Variants in NABP2 observed in about 807,000 individuals in gnomAD.
NABP2 encodes the protein SOSS complex subunit B1.
NABP2 carries 7 observed loss-of-function variants against 22.7 expected under a neutral mutation model. The ratio of observed to expected loss-of-function variants is 0.31; its 90% CI spans 0.18 to 0.58. The LOEUF (loss-of-function observed/expected upper bound fraction) is 0.58. NABP2 is among the 20% of genes least tolerant of loss of function. The pLI, the probability that NABP2 is intolerant of heterozygous loss-of-function variation, is 0.89. For synonymous variants in NABP2, 107 were observed against 99.2 expected (o/e 1.08, Z -0.47); for missense variants, 188 against 265.9 (o/e 0.71, Z 2.04).
intron 6 of NABP2, among the ~76,000 whole-genome samples, chr12:56,227,237 G>A (rs1007592439): frequency 1.3e-5 from 2 of 151,978 alleles, no homozygotes; most frequent in South Asian, 2.1e-4. Flanking sequence ...TTAGCCAGAT[G>A]TGGTGGCAGG....
intron 6 of NABP2, among the ~76,000 whole-genome samples, chr12:56,227,849 C>T (rs557907119): frequency 1.4e-3 from 216 of 152,158 alleles, no homozygotes; most frequent in Non-Finnish European, 2.4e-3. Context: ...TATTTATATA[C>T]ACAAAAATGT....
intron 6 of NABP2, among the ~76,000 whole-genome samples, chr12:56,226,831 C>A (rs1187528873): frequency 1.3e-5 from 2 of 148,250 alleles, no homozygotes; most frequent in Non-Finnish European, 3.0e-5. Flanking sequence ...TCAAGTGATT[C>A]TCCTGTCTCG....
chr12:56,224,330 C>G (rs990374398), upstream of NABP2: 14 of 987,200 alleles, frequency 1.4e-5, no homozygotes, highest in Non-Finnish European at 1.7e-5. Flanking sequence ...GGGGAAACTT[C>G]CGGGAATGTC....
chr12:56,225,548 A>C, intron 3 of NABP2, 37 bp downstream of exon 3: 1 of 1,614,172 alleles, frequency 6.2e-7, no homozygotes, highest in Non-Finnish European at 8.5e-7. Flanking sequence ...TCCAAAGGCA[A>C]CAACAATCAA....
rs35370619 is a variant in NABP2, at chr12:56,227,373, C to CAAA, written c.436+968_436+970dup. Among the ~76,000 whole-genome samples, 413 of 104,230 alleles carry CAAA rather than the reference C, an allele frequency of 4.0e-3. 4 individuals are homozygous for CAAA. The highest frequency in any genetic ancestry group is 0.013 in the African/African-American group (393 of 31,088). 68.4% of individuals were successfully genotyped at this position (104,230 alleles called of 152,430 possible). Reference sequence around the variant, plus strand: ...CTTGCGCGACAGTGAGACTCTTTCTCAAAAAAAAAAAAAAAAGAACCACTA... The same window carrying CAAA: ...CTTGCGCGACAGTGAGACTCTTTCTCAAAAAAAAAAAAAAAAAAAGAACCACTA... On this transcript the variant is annotated intron_variant, in intron 6 of 6. Coordinates refer to ENST00000267023, the MANE Select transcript of NABP2 (RefSeq NM_024068.4).
Position 56,226,239 on chromosome 12 carries a change from C to G in NABP2, c.351C>G (p.Thr117=). ...NFSEPNPEYS[T]QQAPNKAVQN... ...GTGAGCCAAACCCAGAGTACAGCACCCAGCAGGCACCCAACAAGGCGGTGA... is the reference window on the plus strand; with the variant it reads ...GTGAGCCAAACCCAGAGTACAGCACGCAGCAGGCACCCAACAAGGCGGTGA... Residue 117 remains threonine (T), a synonymous_variant, in exon 5 of 7, where the codon ACC becomes ACG. Transcript: ENST00000267023. 2 of 1,614,124 alleles carry G rather than the reference C, an allele frequency of 1.2e-6. No homozygotes were observed. The highest frequency in any genetic ancestry group is 1.7e-6 in the Non-Finnish European group (2 of 1,180,038).
chr12:56,227,015 C>T (rs1193092833), intron 6 of NABP2, among the ~76,000 whole-genome samples: 6 of 151,396 alleles, frequency 4.0e-5, no homozygotes, highest in Non-Finnish European at 7.4e-5. Flanking sequence ...TGAGCCACCG[C>T]GCCCAGCCAT....
chr12:56,225,243 A>T, intron 2 of NABP2, 130 bp from the exon 3 acceptor site: 1 of 1,253,952 alleles, frequency 8.0e-7, no homozygotes, highest in Non-Finnish European at 1.1e-6. Context: ...TTTATGCCCC[A>T]GGGATTTGGG....
At chr12:56,224,340 C>G (rs78947310), upstream of NABP2, 12 of 987,394 alleles carry the variant, frequency 1.2e-5, no homozygotes, top group African/African-American at 1.7e-5. Context: ...CCGGGAATGT[C>G]CGCACTCCCG....
At position 56,225,410 on chromosome 12, in the gene NABP2, G is replaced by T; in HGVS notation, c.117G>T (p.Arg39=). The T allele has an allele frequency of 6.2e-7, 1 of 1,614,172 alleles. No homozygotes were observed. The highest frequency in any genetic ancestry group is 1.3e-5 in the African/African-American group (1 of 75,034). ...VTKTKDGHEV[R]TCKVADKTGS... ...AGACAAAGGACGGGCATGAGGTTCG[G>T]ACCTGCAAAGTGGCGGACAAAACAG... is the stretch of plus-strand genomic sequence containing the variant. The change falls in exon 3 of 7, where the codon CGG becomes CGT. Residue 39 remains arginine (R), a synonymous_variant. Coordinates refer to ENST00000267023, the MANE Select transcript of NABP2 (RefSeq NM_024068.4).
chr12:56,225,376 G>T lies in NABP2; in HGVS notation c.83G>T (p.Arg28Leu). ...TCGATTTATCTGTTCCGTTCAGGCC[G>T]AGTGACCAAGACAAAGGACGGGCAT... Reference protein sequence around the residue: ...NLIFIVLETGRVTKTKDGHEV... With the variant: ...NLIFIVLETGLVTKTKDGHEV... Residue 28 changes from arginine (R) to leucine (L), a missense_variant, in exon 3 of 7, where the codon CGA (arginine) becomes CTA (leucine). Transcript: ENST00000267023. 1 of 1,614,178 alleles carries T rather than the reference G, an allele frequency of 6.2e-7. No individual in the cohort carries two copies. Among genetic ancestry groups the T allele is most frequent in the Non-Finnish European group, 8.5e-7 (1 of 1,180,050 alleles).
At position 56,224,838 on chromosome 12, in the gene NABP2, G is replaced by T. The variant is rs768347191; in HGVS notation, c.-19G>T. 3.7e-6 allele frequency: 6 copies of T among 1,612,890 alleles called. No individual in the cohort carries two copies. The Admixed American group carries it at 1.0e-4, about 27-fold the overall frequency. On this transcript the variant is annotated 5_prime_UTR_variant, in exon 2 of 7. Coordinates refer to ENST00000267023, the MANE Select transcript of NABP2 (RefSeq NM_024068.4). ...CATCCTCTATTCCCCATCCAGTGGG[G>T]TGCCGAGGCTCAGGCAGCATGACGA... is the stretch of plus-strand genomic sequence containing the variant.
In NABP2 at chr12:56,229,000, C is replaced by T. The variant is rs754443686; in HGVS notation, c.437-14C>T. On this transcript the variant is annotated splice_polypyrimidine_tract_variant and intron_variant, in intron 6 of 6. Transcript: ENST00000267023. ...GTTAACTAATTCCTTTGTTTCTTCT[C>T]CTCCCACAATTAGCCTCTGAGAACC... is the stretch of plus-strand genomic sequence containing the variant. The T allele has an allele frequency of 2.3e-5, 37 of 1,607,580 alleles. No individual in the cohort carries two copies. In the South Asian group the frequency reaches 3.7e-4, roughly 16 times the overall value.
Position 56,229,123 on chromosome 12 carries a change from C to G in NABP2, c.546C>G (p.Ser182Arg). The change falls in exon 7 of 7, where the codon AGC becomes AGG. Residue 182 changes from serine (S) to arginine (R), a missense_variant. Physicochemically the swap from Ser to Arg is moderately radical, Grantham distance 110. Coordinates refer to ENST00000267023, the MANE Select transcript of NABP2 (RefSeq NM_024068.4). ...SHPPSTRITR[S>R]QPNHTPAGPP... ...CACCCAGCACCCGAATCACTCGAAG[C>G]CAGCCCAACCACACACCTGCAGGCC... 1 of 1,311,150 alleles carries G rather than the reference C, an allele frequency of 7.6e-7. No individual in the cohort carries two copies. Among genetic ancestry groups the G allele is most frequent in the Non-Finnish European group, 1.0e-6 (1 of 977,758 alleles). The allele number at this position is 1,311,150 out of a possible 1,614,324, so 81.2% of individuals were successfully genotyped here.
At chr12:56,228,243 C>G (rs973103745) in intron 6 of NABP2, among the ~76,000 whole-genome samples, 11 of 152,028 alleles carry the variant, frequency 7.2e-5, no homozygotes, top group African/African-American at 2.7e-4. Flanking sequence ...TGATGGTTAT[C>G]TATATTTTCT....
chr12:56,226,427 T>G lies in NABP2; in HGVS notation c.436+8T>G, dbSNP rs781402295. 6.2e-6 allele frequency: 10 copies of G among 1,612,352 alleles called. No individual in the cohort carries two copies. In the Admixed American group the frequency reaches 1.7e-4, roughly 27 times the overall value. On this transcript the variant is annotated splice_region_variant and intron_variant, in intron 6 of 6. Transcript: ENST00000267023. ...CCTCTGCTGCCTCTCCAGGTAAATC[T>G]GTTCCCTTCTATCCACTGGTCCTCC...
At chr12:56,227,126 G>A (rs1350778614) in intron 6 of NABP2, among the ~76,000 whole-genome samples, 1 of 151,690 alleles carries the variant, frequency 6.6e-6, no homozygotes, top group Non-Finnish European at 1.5e-5. Context: ...TATAATCTCA[G>A]CACTTTGGGA....
In NABP2 at chr12:56,229,332, G is replaced by A; in HGVS notation, c.*119G>A. On this transcript the variant is annotated 3_prime_UTR_variant, in exon 7 of 7. Transcript: ENST00000267023. ...TAGCCACTGAACTTCAGTGGAGGGT[G>A]GTGAGCAGTGTCCTTATCCACCCTA... 3.7e-6 allele frequency: 4 copies of A among 1,068,332 alleles called. No individual in the cohort carries two copies. The highest frequency in any genetic ancestry group is 5.5e-6 in the Non-Finnish European group (4 of 724,100). 66.2% of individuals were successfully genotyped at this position (1,068,332 alleles called of 1,614,324 possible).
intron 4 of NABP2, 62 bp downstream of exon 4, chr12:56,225,757 C>A: frequency 1.3e-6 from 2 of 1,523,628 alleles, no homozygotes; most frequent in Non-Finnish European, 9.1e-7. Context: ...TGCAAGGAGG[C>A]AGCATAGGGT....
Sources: allele counts gnomAD v4.1 joint callset (sites outside exome capture counted in the v4.1 genomes callset), GRCh38; gene constraint gnomAD v4.1.1; transcripts MANE v1.5; gene names NCBI Gene and HGNC (gene_info 2026-07-23, HGNC 2026-07-21).